The following TOGARAM1 variants were observed in gnomAD, a reference collection of about 807,000 sequenced individuals.
The protein encoded by TOGARAM1 is TOG array regulator of axonemal microtubules 1.
In TOGARAM1, 100 loss-of-function variants were observed where a neutral mutation model predicts 166.6. The observed-to-expected ratio is 0.60, with a 90% CI of 0.51 to 0.71. TOGARAM1 has a LOEUF of 0.71. Among genes scored for constraint, TOGARAM1 ranks in the 30% least tolerant of loss-of-function variants. The pLI, the probability that TOGARAM1 is intolerant of heterozygous loss-of-function variation, is 0.00. For missense variants in TOGARAM1, 2,029 were observed against 2,102.7 expected (o/e 0.96, Z 0.69); for synonymous variants, 758 against 763.8 (o/e 0.99, Z 0.13).
intron 7 of TOGARAM1, among the ~76,000 whole-genome samples, chr14:45,019,607 T>C (rs1880373239): frequency 6.6e-6 from 1 of 152,196 alleles, no homozygotes; most frequent in African/African-American, 2.4e-5. Context: ...CCCCTCCTGC[T>C]GTGCTCTCAG....
chr14:44,967,205 GC>G (rs943247431), intron 1 of TOGARAM1, among the ~76,000 whole-genome samples: 7 of 152,060 alleles, frequency 4.6e-5, no homozygotes, highest in Non-Finnish European at 2.9e-5. Flanking sequence ...GTTTTTTAAT[GC>G]ATTTATATTA....
intron 4 of TOGARAM1, 27 bp from the exon 5 acceptor site, chr14:45,005,981 A>T: frequency 6.6e-7 from 1 of 1,520,498 alleles, no homozygotes; most frequent in Non-Finnish European, 8.8e-7. Context: ...AGAAAAAGAA[A>T]AAGTAAAATA....
intron 2 of TOGARAM1, among the ~76,000 whole-genome samples, chr14:44,998,637 A>T (rs867711672): frequency 6.6e-6 from 1 of 152,352 alleles, no homozygotes; most frequent in Middle Eastern, 3.4e-3. Flanking sequence ...CTGTCTTAAA[A>T]AAAATAAAAT....
intron 3 of TOGARAM1, among the ~76,000 whole-genome samples, chr14:45,002,715 C>T (rs545584133): frequency 1.3e-5 from 2 of 152,250 alleles, no homozygotes; most frequent in African/African-American, 2.4e-5. Context: ...CGGTGGCTCA[C>T]GCCTGTAATC....
chr14:44,997,641 A>G (rs924803078), intron 2 of TOGARAM1, among the ~76,000 whole-genome samples: 7 of 152,118 alleles, frequency 4.6e-5, no homozygotes, highest in Non-Finnish European at 7.4e-5. Flanking sequence ...TAGAAGAAAA[A>G]GGAGAGCATA....
intron 15 of TOGARAM1, 111 bp downstream of exon 15, chr14:45,052,673 T>G: frequency 1.1e-6 from 1 of 918,988 alleles, no homozygotes; most frequent in Non-Finnish European, 1.6e-6. Flanking sequence ...GTTAATCATT[T>G]GGACTATTGG....
At chr14:44,973,135 G>C (rs1885981290) in intron 1 of TOGARAM1, among the ~76,000 whole-genome samples, 2 of 151,872 alleles carry the variant, frequency 1.3e-5, no homozygotes, top group African/African-American at 4.8e-5. Flanking sequence ...CATGATCTTT[G>C]TTCCTGTTTT....
At chr14:44,996,945 C>T (rs2138812865) in intron 2 of TOGARAM1, 1 of 152,382 alleles carries the variant, frequency 6.6e-6, no homozygotes. Flanking sequence ...CCTCACCTAC[C>T]TCCAACATTG....
intron 7 of TOGARAM1, among the ~76,000 whole-genome samples, chr14:45,020,960 G>C (rs1880465260): frequency 6.6e-6 from 1 of 152,152 alleles, no homozygotes; most frequent in African/African-American, 2.4e-5. Flanking sequence ...AGGGTTTTGG[G>C]CCAAGGCCTC....
intron 7 of TOGARAM1, among the ~76,000 whole-genome samples, chr14:45,024,585 T>G (rs974324756): frequency 1.3e-5 from 2 of 152,210 alleles, no homozygotes; most frequent in African/African-American, 4.8e-5. Flanking sequence ...CTCTTGATAG[T>G]TTATGTATAG....
intron 16 of TOGARAM1, among the ~76,000 whole-genome samples, chr14:45,054,787 G>A (rs996465936): frequency 1.2e-4 from 18 of 152,124 alleles, no homozygotes; most frequent in African/African-American, 3.4e-4. Flanking sequence ...TGAACTGGTC[G>A]ATGTTAGGCC....
At chr14:44,992,649 C>T (rs1196980034) in intron 1 of TOGARAM1, among the ~76,000 whole-genome samples, 3 of 138,284 alleles carry the variant, frequency 2.2e-5, no homozygotes, top group Non-Finnish European at 4.6e-5. Context: ...GATGAGTCTC[C>T]CTCTGCCTCC....
At chr14:45,016,795 A>G (rs1053599919) in intron 7 of TOGARAM1, among the ~76,000 whole-genome samples, 2 of 152,224 alleles carry the variant, frequency 1.3e-5, no homozygotes, top group Non-Finnish European at 2.9e-5. Flanking sequence ...AGTATTAAAT[A>G]ATTTAAAATA....
Position 45,066,814 on chromosome 14 carries a change from G to A in TOGARAM1, c.4749+47G>A, listed in dbSNP as rs777436761. Reference sequence around the variant, plus strand: ...TTTTAATGTGGGTATGGTGGCTCACGCCTGTAATCCAAGCACTTTGGGAAG... The same window carrying A: ...TTTTAATGTGGGTATGGTGGCTCACACCTGTAATCCAAGCACTTTGGGAAG... On this transcript the variant is annotated intron_variant, in intron 17 of 19. Transcript: ENST00000361462. 58 of 1,494,732 alleles carry A rather than the reference G, an allele frequency of 3.9e-5. 1 individual carries two copies. Among genetic ancestry groups the A allele is most frequent in the South Asian group, 5.2e-5 (4 of 76,368 alleles). 92.6% of individuals were successfully genotyped at this position (1,494,732 alleles called of 1,614,324 possible).
At chr14:44,988,971 T>A (rs572079948) in intron 1 of TOGARAM1, among the ~76,000 whole-genome samples, 1 of 152,248 alleles carries the variant, frequency 6.6e-6, no homozygotes, top group East Asian at 1.9e-4. Flanking sequence ...AGCCTTAGAG[T>A]AACCTGAAAC....
intron 15 of TOGARAM1, 69 bp downstream of exon 15, chr14:45,052,631 A>C (rs1289997577): frequency 5.2e-6 from 7 of 1,357,464 alleles, no homozygotes; most frequent in Non-Finnish European, 7.0e-6. Flanking sequence ...CAGGTAAAGG[A>C]TAGGAATAAT....
At chr14:44,965,869 ATTTTTTTTTTT>A (rs747983176) in intron 1 of TOGARAM1, among the ~76,000 whole-genome samples, 14 of 120,498 alleles carry the variant, frequency 1.2e-4, no homozygotes, top group African/African-American at 4.7e-4. Flanking sequence ...ACAAATAGTA[ATTTTTTTTTTT>A]TTTTTTTTTT....
intron 1 of TOGARAM1, among the ~76,000 whole-genome samples, chr14:44,973,739 A>G (rs1476532445): frequency 6.6e-6 from 1 of 150,896 alleles, no homozygotes; most frequent in Non-Finnish European, 1.5e-5. Context: ...GAATGTCTTT[A>G]TTTTTCTTCA....
At chr14:45,040,891 T>C (rs1297965486) in intron 11 of TOGARAM1, among the ~76,000 whole-genome samples, 1 of 151,562 alleles carries the variant, frequency 6.6e-6, no homozygotes, top group Non-Finnish European at 1.5e-5. Flanking sequence ...ATACAAAAAT[T>C]GGCCAGGTGT....
Sources: allele counts gnomAD v4.1 joint callset (sites outside exome capture counted in the v4.1 genomes callset), GRCh38; gene constraint gnomAD v4.1.1; transcripts MANE v1.5; gene names NCBI Gene and HGNC (gene_info 2026-07-23, HGNC 2026-07-21).